KIAA0319L: variants seen among roughly 807,000 people sequenced by gnomAD.
KIAA0319L encodes KIAA0319 like.
A neutral mutation model predicts 120.1 loss-of-function variants in KIAA0319L; 55 were observed. That is an observed-to-expected ratio of 0.46 (90% CI 0.37 to 0.57). KIAA0319L has a LOEUF of 0.57. Among genes scored for constraint, KIAA0319L ranks in the 20% least tolerant of loss-of-function variants. KIAA0319L has a pLI of 0.00. For synonymous variants in KIAA0319L, 398 were observed against 471.9 expected, an observed-to-expected ratio of 0.84 and a Z score of 2.03; for missense variants, 1,049 against 1,255.3, an observed-to-expected ratio of 0.84 and a Z score of 2.48.
At chr1:35,473,091 T>C (rs1022925444) in intron 5 of KIAA0319L, among the ~76,000 whole-genome samples, 2 of 141,832 alleles carry the variant, frequency 1.4e-5, no homozygotes, top group African/African-American at 5.4e-5. Flanking sequence ...TTTTTTTTTT[T>C]TTTTTTTTTT....
At chr1:35,516,032 T>C (rs777088587) in intron 2 of KIAA0319L, among the ~76,000 whole-genome samples, 3 of 152,062 alleles carry the variant, frequency 2.0e-5, no homozygotes, top group Non-Finnish European at 2.9e-5. Flanking sequence ...AGACCAATAA[T>C]GAGCTCTAAA....
intron 7 of KIAA0319L, 26 bp from the exon 8 acceptor site, chr1:35,462,739 T>C (rs770185702): frequency 1.7e-5 from 26 of 1,569,868 alleles, no homozygotes; most frequent in Admixed American, 3.3e-5. Context: ...CCAAAAGAAA[T>C]TGGGAAAGAG....
In KIAA0319L at chr1:35,470,855, A is replaced by G; in HGVS notation, c.1113+8T>C. ...CTTTGCCCTGCAAGTGAAAGGAGGCAAATTCACCTTCGATAGTTTGAGGAT... is the reference window on the plus strand; with the variant it reads ...CTTTGCCCTGCAAGTGAAAGGAGGCGAATTCACCTTCGATAGTTTGAGGAT... On this transcript the variant is annotated splice_region_variant and intron_variant, in intron 6 of 20. Coordinates refer to ENST00000325722, the MANE Select transcript of KIAA0319L (RefSeq NM_024874.5). 1 of 1,586,630 alleles carries G rather than the reference A, an allele frequency of 6.3e-7. No homozygotes were observed. Among genetic ancestry groups the G allele is most frequent in the Non-Finnish European group, 8.7e-7 (1 of 1,154,920 alleles).
chr1:35,541,026 C>T (rs549992630), intron 2 of KIAA0319L, among the ~76,000 whole-genome samples: 25 of 152,136 alleles, frequency 1.6e-4, no homozygotes, highest in African/African-American at 5.5e-4. Context: ...ACTGAAGCCT[C>T]GACTTCCTGG....
chr1:35,484,743 T>C lies in KIAA0319L; in HGVS notation c.667-5531A>G, dbSNP rs536795974. Among the ~76,000 whole-genome samples, 48 of 143,830 alleles carry C rather than the reference T, an allele frequency of 3.3e-4. 1 individual carries two copies. In the South Asian group the frequency reaches 9.0e-3, roughly 27 times the overall value. 94.4% of individuals were successfully genotyped at this position (143,830 alleles called of 152,430 possible). ...TGTCATCTCATTTTCCTTTAAACCT[T>C]TGAACACGATTTAAGTTTTTAATCA... On this transcript the variant is annotated intron_variant, in intron 3 of 20. Transcript: ENST00000325722.
At chr1:35,494,568 G>C (rs913595642) in intron 3 of KIAA0319L, among the ~76,000 whole-genome samples, 1 of 152,078 alleles carries the variant, frequency 6.6e-6, no homozygotes, top group African/African-American at 2.4e-5. Flanking sequence ...GCTGAGGTAG[G>C]TGGATTGCTT....
At position 35,500,075 on chromosome 1, in the gene KIAA0319L, C is replaced by T. The variant is rs1430938519; in HGVS notation, c.666+6537G>A. Among the ~76,000 whole-genome samples, 5 of 152,212 alleles carry T rather than the reference C, an allele frequency of 3.3e-5. No homozygotes were observed. The East Asian group carries it at 5.8e-4, about 18-fold the overall frequency. ...ACTGGCTTGCTAAGGGTCAAAATGC[C>T]GTGTGTGATTATTGACTGGAAACAG... On this transcript the variant is annotated intron_variant, in intron 3 of 20. Transcript: ENST00000325722.
intron 2 of KIAA0319L, among the ~76,000 whole-genome samples, chr1:35,535,776 A>C (rs1646551242): frequency 6.6e-6 from 1 of 152,094 alleles, no homozygotes; most frequent in Non-Finnish European, 1.5e-5. Context: ...TCTTCTGTGC[A>C]TCCTACATAT....
chr1:35,453,230 A>G lies in KIAA0319L; in HGVS notation c.1913+327T>C, dbSNP rs368438357. ...TACCCAGTTAATTCTGAGCAACAGT[A>G]TTTTTCTGCTCCATTACCCCTTCCA... On this transcript the variant is annotated intron_variant, in intron 12 of 20. Coordinates refer to ENST00000325722, the MANE Select transcript of KIAA0319L (RefSeq NM_024874.5). The surrounding 1 kb of genome is among the most constrained non-coding windows in gnomAD (Gnocchi z 4.1). Among the ~76,000 whole-genome samples the G allele has an allele frequency of 4.6e-5, 7 of 152,174 alleles. No individual in the cohort carries two copies. The South Asian group carries it at 6.2e-4, about 14-fold the overall frequency.
chr1:35,442,442 T>C, intron 18 of KIAA0319L, 106 bp from the exon 19 acceptor site: 1 of 821,398 alleles, frequency 1.2e-6, no homozygotes, highest in Non-Finnish European at 2.1e-6. Context: ...GAGACAAGAA[T>C]GCCTCAGGCT....
chr1:35,470,908 ACTGTAGTCT>A lies in KIAA0319L; in HGVS notation c.1059_1067del (p.Arg353_Tyr355del). On this transcript the variant is annotated inframe_deletion, in exon 6 of 21. Transcript: ENST00000325722. ...GGGAATGTTTCCCTTCCATTTCTCC[ACTGTAGTCT>A]CTAGGATGAGTAATCAGCTGCCAGT... The A allele has an allele frequency of 6.2e-7, 1 of 1,613,694 alleles. No individual in the cohort carries two copies. Among genetic ancestry groups the A allele is most frequent in the Non-Finnish European group, 8.5e-7 (1 of 1,179,590 alleles).
intron 2 of KIAA0319L, among the ~76,000 whole-genome samples, chr1:35,529,352 A>T (rs1282173014): frequency 6.6e-6 from 1 of 152,198 alleles, no homozygotes; most frequent in Non-Finnish European, 1.5e-5. Flanking sequence ...TTTGATGATA[A>T]AATGAGTGAG....
intron 16 of KIAA0319L, among the ~76,000 whole-genome samples, chr1:35,447,104 C>T (rs1406601903): frequency 6.6e-6 from 1 of 152,084 alleles, no homozygotes; most frequent in Non-Finnish European, 1.5e-5. Flanking sequence ...TTAATTTCTT[C>T]TCCTCTTCTT....
intron 12 of KIAA0319L, among the ~76,000 whole-genome samples, chr1:35,452,273 G>A (rs554973974): frequency 1.3e-5 from 2 of 152,328 alleles, no homozygotes; most frequent in South Asian, 2.1e-4. Flanking sequence ...CATCTTGTTT[G>A]TAGCAACTCT....
chr1:35,454,211 CA>C (rs1175410728), intron 11 of KIAA0319L, 150 bp downstream of exon 11: 1 of 709,738 alleles, frequency 1.4e-6, no homozygotes, highest in Non-Finnish European at 2.3e-6. Flanking sequence ...GAAGAAAGCA[CA>C]AGGGGAAGGA....
chr1:35,496,947 C>CAAAA (rs754043280), intron 3 of KIAA0319L, among the ~76,000 whole-genome samples: 5 of 50,198 alleles, frequency 1.0e-4, no homozygotes, highest in Non-Finnish European at 1.1e-4. Context: ...ATTGTGTCTC[C>CAAAA]AAAAAAAAAA....
rs550838105 is a variant in KIAA0319L, at chr1:35,434,445, T to C, written c.*449A>G. ...TGAGGGGAGGGGTGCCACTTCCTCT[T>C]TGCCCAGCGAGAGGGCGTACTCTAC... On this transcript the variant is annotated 3_prime_UTR_variant, in exon 21 of 21. Coordinates refer to ENST00000325722, the MANE Select transcript of KIAA0319L (RefSeq NM_024874.5). 31 of 155,218 alleles carry C rather than the reference T, an allele frequency of 2.0e-4. No individual in the cohort carries two copies. Among genetic ancestry groups the C allele is most frequent in the Non-Finnish European group, 3.8e-4 (27 of 70,470 alleles). 9.6% of individuals were successfully genotyped at this position (155,218 alleles called of 1,614,324 possible).
intron 2 of KIAA0319L, among the ~76,000 whole-genome samples, chr1:35,514,133 T>C (rs1401858956): frequency 6.6e-6 from 1 of 152,138 alleles, no homozygotes. Flanking sequence ...AATTACGGCA[T>C]AGCAACTTAA....
intron 20 of KIAA0319L, among the ~76,000 whole-genome samples, chr1:35,436,582 A>T (rs1640807874): frequency 1.3e-5 from 2 of 152,208 alleles, no homozygotes; most frequent in Non-Finnish European, 2.9e-5. Context: ...CCCTCTGGCT[A>T]TAGCAGTGAG....
Sources: allele counts gnomAD v4.1 joint callset (sites outside exome capture counted in the v4.1 genomes callset), GRCh38; gene constraint gnomAD v4.1.1; non-coding constraint Gnocchi (gnomAD v3.1); transcripts MANE v1.5; gene names NCBI Gene and HGNC (gene_info 2026-07-23, HGNC 2026-07-21).